FSTL1: variants seen among roughly 807,000 people sequenced by gnomAD.
The protein encoded by FSTL1 is follistatin-related protein 1.
Under a neutral mutation model 45.9 loss-of-function variants are expected in FSTL1, and 24 were observed. The ratio of observed to expected loss-of-function variants is 0.52; its 90% CI spans 0.38 to 0.74. The LOEUF (loss-of-function observed/expected upper bound fraction) is 0.74. Ranked by LOEUF, FSTL1 falls within the 30% of genes least tolerant of loss-of-function variation. The pLI is 0.00. For synonymous variants in FSTL1, 120 were observed against 137.6 expected, an observed-to-expected ratio of 0.87 and a Z score of 0.89; for missense variants, 340 against 381.8, an observed-to-expected ratio of 0.89 and a Z score of 0.91.
chr3:120,448,533 T>A (rs1213042240), intron 2 of FSTL1, among the ~76,000 whole-genome samples: 1 of 152,146 alleles, frequency 6.6e-6, no homozygotes, highest in East Asian at 1.9e-4. Flanking sequence ...AAGATAATAA[T>A]CCTTAATAAC....
chr3:120,414,954 C>A (rs1253884074), intron 3 of FSTL1, among the ~76,000 whole-genome samples: 1 of 150,340 alleles, frequency 6.7e-6, no homozygotes, highest in African/African-American at 2.4e-5. Context: ...CCTGCCAAAT[C>A]CCCCTCTGTG....
chr3:120,420,770 T>A (rs1043203987), intron 2 of FSTL1, among the ~76,000 whole-genome samples: 1 of 152,206 alleles, frequency 6.6e-6, no homozygotes, highest in Non-Finnish European at 1.5e-5. Context: ...TAAGATCCTA[T>A]GGTGAAAATA....
chr3:120,423,284 G>A (rs1937316089), intron 2 of FSTL1: 1 of 151,776 alleles, frequency 6.6e-6, no homozygotes, highest in Non-Finnish European at 1.5e-5. Flanking sequence ...GTCATCTCTG[G>A]AATGCCTCAT....
rs936579034 is a variant in FSTL1 at position 120,415,525 on chromosome 3, G to C, written c.168+398C>G. On this transcript the variant is annotated intron_variant, in intron 3 of 10. Transcript: ENST00000295633. ...AATAGGGGGAACCATTATGTCTACA[G>C]TAGCATATAAACCCTATGCTTATAG... Among the ~76,000 whole-genome samples, 6 of 152,138 alleles carry C rather than the reference G, an allele frequency of 3.9e-5. No homozygotes were observed. In the South Asian group the frequency reaches 6.2e-4, roughly 16 times the overall value.
intron 2 of FSTL1, among the ~76,000 whole-genome samples, chr3:120,424,607 G>A (rs912316460): frequency 6.6e-6 from 1 of 152,166 alleles, no homozygotes; most frequent in East Asian, 1.9e-4. Context: ...AAGGATATCA[G>A]TTGGAACAGG....
chr3:120,420,635 C>T (rs975956179), intron 2 of FSTL1, among the ~76,000 whole-genome samples: 3 of 152,326 alleles, frequency 2.0e-5, no homozygotes, highest in South Asian at 2.1e-4. Flanking sequence ...ATCTGAGCAA[C>T]GGTCAGCCAT....
rs1348174068 is a variant in FSTL1 at position 120,394,114 on chromosome 3, C to G, written c.*2838G>C. On this transcript the variant is annotated 3_prime_UTR_variant, in exon 11 of 11. Transcript: ENST00000295633. ...CATGATCCTTTCAAAGAAACTTGTT[C>G]TACCAGTCCCCGAGTAAACTTTCCA... The G allele has an allele frequency of 6.6e-6, 1 of 152,220 alleles. No homozygotes were observed. 9.4% of individuals were successfully genotyped at this position (152,220 alleles called of 1,614,324 possible). A position where few individuals can be genotyped will look rare whatever the true frequency, so the allele number is the denominator to read the frequency against.
At chr3:120,416,458 C>T (rs1403663339) in intron 2 of FSTL1, among the ~76,000 whole-genome samples, 2 of 152,162 alleles carry the variant, frequency 1.3e-5, no homozygotes, top group South Asian at 2.1e-4. Flanking sequence ...AGTGCAAGAA[C>T]AGGATCACCA....
intron 2 of FSTL1, chr3:120,419,138 T>C (rs1937236480): frequency 6.6e-6 from 1 of 152,316 alleles, no homozygotes; most frequent in African/African-American, 2.4e-5. Flanking sequence ...AGAAGCGCAG[T>C]GTTGGCTCCT....
chr3:120,449,181 C>T (rs1014377222), intron 2 of FSTL1, among the ~76,000 whole-genome samples: 1 of 152,218 alleles, frequency 6.6e-6, no homozygotes, highest in African/African-American at 2.4e-5. Flanking sequence ...GATCCTGCTT[C>T]AGAGCTAACT....
intron 9 of FSTL1, 154 bp from the exon 10 acceptor site, chr3:120,400,113 G>A: frequency 1.6e-6 from 1 of 640,038 alleles, no homozygotes; most frequent in Non-Finnish European, 2.8e-6. Flanking sequence ...AGGCATGAAG[G>A]GGCCCTGTGT....
At chr3:120,403,400 G>T in intron 7 of FSTL1, 46 bp from the exon 8 acceptor site, 1 of 1,178,296 alleles carries the variant, frequency 8.5e-7, no homozygotes, top group Non-Finnish European at 1.3e-6. Context: ...CCTCAGCTTC[G>T]CTCAGAAGAA....
chr3:120,438,801 G>A (rs149223224), intron 2 of FSTL1, among the ~76,000 whole-genome samples: 1 of 152,054 alleles, frequency 6.6e-6, no homozygotes, highest in African/African-American at 2.4e-5. Flanking sequence ...CCAGTAAATG[G>A]AGGTTCGTTT....
chr3:120,423,370 G>A (rs1291534386), intron 2 of FSTL1: 1 of 151,802 alleles, frequency 6.6e-6, no homozygotes, highest in Non-Finnish European at 1.5e-5. Flanking sequence ...TCTATAGAAT[G>A]ATCGGTTCCT....
At chr3:120,432,088 T>C (rs1017245299) in intron 2 of FSTL1, among the ~76,000 whole-genome samples, 1 of 152,208 alleles carries the variant, frequency 6.6e-6, no homozygotes, top group African/African-American at 2.4e-5. Context: ...AGCCTTCTCT[T>C]AGCTAAATAT....
At chr3:120,429,138 T>C (rs1937434528) in intron 2 of FSTL1, among the ~76,000 whole-genome samples, 1 of 152,154 alleles carries the variant, frequency 6.6e-6, no homozygotes, top group African/African-American at 2.4e-5. Flanking sequence ...TAGAAGGCCC[T>C]CTCCCTCAAA....
intron 5 of FSTL1, 28 bp from the exon 6 acceptor site, chr3:120,409,690 G>A (rs138210412): frequency 1.1e-5 from 17 of 1,612,262 alleles, no homozygotes; most frequent in African/African-American, 1.3e-5. Flanking sequence ...ATGTCAGCTG[G>A]AGCAGTCAGG....
At chr3:120,440,949 C>T (rs1021489158) in intron 2 of FSTL1, among the ~76,000 whole-genome samples, 1 of 152,200 alleles carries the variant, frequency 6.6e-6, no homozygotes, top group African/African-American at 2.4e-5. Flanking sequence ...GCATGTGAGG[C>T]TGGCATCGGC....
At position 120,393,326 on chromosome 3, in the gene FSTL1, T is replaced by A. The variant is rs1264030627; in HGVS notation, c.*3626A>T. 3 of 152,216 alleles carry A rather than the reference T, an allele frequency of 2.0e-5. No homozygotes were observed. Among genetic ancestry groups the A allele is most frequent in the Non-Finnish European group, 4.4e-5 (3 of 68,042 alleles). The allele number at this position is 152,216 out of a possible 1,614,324, so 9.4% of individuals were successfully genotyped here. ...ACCTTAAACCTCATTGACTATAATA[T>A]GCTCTTTTGGGAGGCAGAATTATTG... On this transcript the variant is annotated 3_prime_UTR_variant, in exon 11 of 11. Transcript: ENST00000295633.
Sources: gnomAD v4.1 joint callset for allele counts (sites outside exome capture counted in the v4.1 genomes callset) on GRCh38, gnomAD v4.1.1 for gene constraint, MANE v1.5 for transcripts, NCBI Gene and HGNC (gene_info 2026-07-23, HGNC 2026-07-21) for gene names.